The following ARHGAP23 variants were observed in gnomAD, a reference collection of about 807,000 sequenced individuals.
ARHGAP23 encodes the protein rho GTPase-activating protein 23.
Under a neutral mutation model 136.3 loss-of-function variants are expected in ARHGAP23, and 34 were observed. The observed-to-expected ratio is 0.25, with a 90% confidence interval of 0.19 to 0.33. The LOEUF is 0.33. ARHGAP23 is among the 10% of genes least tolerant of loss of function. ARHGAP23 has a pLI of 1.00. For synonymous variants in ARHGAP23, 832 were observed against 920.5 expected (o/e 0.90, Z 1.74); for missense variants, 1,808 against 2,139.0 (o/e 0.85, Z 3.05).
chr17:38,509,800 G>A, intron 23 of ARHGAP23, 144 bp from the exon 24 acceptor site: 1 of 590,988 alleles, frequency 1.7e-6, no homozygotes, highest in Non-Finnish European at 2.5e-6. Flanking sequence ...GAGGAGGAGC[G>A]TTTTATGATG....
chr17:38,501,286 GTTATTTT>G (rs375254871), intron 23 of ARHGAP23, among the ~76,000 whole-genome samples: 11,293 of 151,860 alleles, frequency 0.074, 449 homozygotes, highest in South Asian at 0.17. Flanking sequence ...AGACCCCTAA[GTTATTTT>G]TTATTTTTTA....
intron 6 of ARHGAP23, among the ~76,000 whole-genome samples, chr17:38,465,470 A>G (rs976668306): frequency 6.6e-6 from 1 of 152,192 alleles, no homozygotes; most frequent in Non-Finnish European, 1.5e-5. Flanking sequence ...GGCCCAGGCC[A>G]CAAGGCCGCT....
In ARHGAP23 at chr17:38,511,889, C is replaced by G. The variant is rs1439319082; in HGVS notation, c.*917C>G. The G allele has an allele frequency of 6.6e-6, 1 of 152,288 alleles. No homozygotes were observed. Among genetic ancestry groups the G allele is most frequent in the Non-Finnish European group, 1.5e-5 (1 of 68,146 alleles). The allele number at this position is 152,288 out of a possible 1,614,324, so 9.4% of individuals were successfully genotyped here. A position where few individuals can be genotyped will look rare whatever the true frequency, so the allele number is the denominator to read the frequency against. ...GAGGGATAGTCAACACCCCTGCTGT[C>G]TCTCTGTCACTCACACACTGATTTA... On this transcript the variant is annotated 3_prime_UTR_variant, in exon 24 of 24. Coordinates refer to ENST00000622683, the MANE Select transcript of ARHGAP23 (RefSeq NM_001199417.2).
At chr17:38,454,648 G>A (rs182024041) in intron 1 of ARHGAP23, among the ~76,000 whole-genome samples, 17 of 152,290 alleles carry the variant, frequency 1.1e-4, no homozygotes, top group African/African-American at 3.8e-4. Context: ...AGTGCTCTCA[G>A]GGCTGACAGG....
intron 6 of ARHGAP23, among the ~76,000 whole-genome samples, chr17:38,465,535 CCTT>C (rs1337838734): frequency 2.0e-5 from 3 of 152,252 alleles, no homozygotes; most frequent in Non-Finnish European, 4.4e-5. Flanking sequence ...CCCTGTCACT[CCTT>C]AGCAATGCAG....
intron 1 of ARHGAP23, among the ~76,000 whole-genome samples, chr17:38,437,855 T>C (rs533815401): frequency 4.3e-4 from 65 of 152,148 alleles, no homozygotes; most frequent in African/African-American, 1.6e-3. Flanking sequence ...TAAGTTCTGC[T>C]TCTCTGTGTC....
At position 38,478,030 on chromosome 17, in the gene ARHGAP23, A is replaced by T. The variant is rs2039939687; in HGVS notation, c.2436+134A>T. On this transcript the variant is annotated intron_variant, in intron 12 of 23. Coordinates refer to ENST00000622683, the MANE Select transcript of ARHGAP23 (RefSeq NM_001199417.2). Reference sequence around the variant, plus strand: ...GGGGCTGACAGGAGTGCACCTCGTGATTGTGTCCCCCAAGGTTTCGGGGTG... The same window carrying T: ...GGGGCTGACAGGAGTGCACCTCGTGTTTGTGTCCCCCAAGGTTTCGGGGTG... 4.1e-6 allele frequency: 4 copies of T among 975,686 alleles called. No individual in the cohort carries two copies. The East Asian group carries it at 1.1e-4, about 26-fold the overall frequency. 60.4% of individuals were successfully genotyped at this position (975,686 alleles called of 1,614,324 possible). A position where few individuals can be genotyped will look rare whatever the true frequency, so the allele number is the denominator to read the frequency against.
chr17:38,499,739 G>A (rs185506082), intron 22 of ARHGAP23, among the ~76,000 whole-genome samples: 12 of 152,270 alleles, frequency 7.9e-5, no homozygotes, highest in East Asian at 1.9e-4. Context: ...GGAGGGGTCC[G>A]GAGAGGGGGG....
intron 1 of ARHGAP23, among the ~76,000 whole-genome samples, chr17:38,441,526 G>A (rs533057174): frequency 6.6e-5 from 10 of 152,130 alleles, no homozygotes; most frequent in Non-Finnish European, 1.5e-4. Flanking sequence ...GCCCACATAA[G>A]GAAACTGAGG....
chr17:38,435,558 G>T (rs1183338357), intron 1 of ARHGAP23, among the ~76,000 whole-genome samples: 2 of 152,202 alleles, frequency 1.3e-5, no homozygotes, highest in African/African-American at 4.8e-5. Flanking sequence ...CCTGGAACCC[G>T]ATCTCTCCTT....
Position 38,511,163 on chromosome 17 carries a change from T to C in ARHGAP23, c.*191T>C. 3.3e-6 allele frequency: 2 copies of C among 612,078 alleles called. No individual in the cohort carries two copies. The highest frequency in any genetic ancestry group is 2.6e-6 in the Non-Finnish European group (1 of 392,096). The allele number at this position is 612,078 out of a possible 1,614,324, so 37.9% of individuals were successfully genotyped here. A position where few individuals can be genotyped will look rare whatever the true frequency, so the allele number is the denominator to read the frequency against. On this transcript the variant is annotated 3_prime_UTR_variant, in exon 24 of 24. Transcript: ENST00000622683. Reference sequence around the variant, plus strand: ...GAGGAGAAGGCTGGGGCCGGACTAATTGAATGGAAGGGGGTTCCAGAGGTG... The same window carrying C: ...GAGGAGAAGGCTGGGGCCGGACTAACTGAATGGAAGGGGGTTCCAGAGGTG...
chr17:38,422,414 C>T (rs781254968), intron 1 of ARHGAP23, among the ~76,000 whole-genome samples: 2 of 152,214 alleles, frequency 1.3e-5, no homozygotes, highest in African/African-American at 2.4e-5. Context: ...GCCTCGCGCA[C>T]ACTCACTCAT....
intron 14 of ARHGAP23, among the ~76,000 whole-genome samples, chr17:38,481,527 T>C (rs1190059057): frequency 6.6e-6 from 1 of 152,222 alleles, no homozygotes; most frequent in Non-Finnish European, 1.5e-5. Flanking sequence ...CCTGGCCTCA[T>C]GTGGTCCTGC....
At position 38,482,604 on chromosome 17, in the gene ARHGAP23, G is replaced by C; in HGVS notation, c.2833G>C (p.Gly945Arg). 6.5e-7 allele frequency: 1 copy of C among 1,550,080 alleles called. No homozygotes were observed. Among genetic ancestry groups the C allele is most frequent in the Non-Finnish European group, 8.7e-7 (1 of 1,146,740 alleles). ...GTCCACAGGCATTTACCGAGTGCCCGGCAACAATGCAGTGGTGTCCAGCCT... is the reference window on the plus strand; with the variant it reads ...GTCCACAGGCATTTACCGAGTGCCCCGCAACAATGCAGTGGTGTCCAGCCT... ...LESTGIYRVPGNNAVVSSLQE... is the reference protein window; with the variant it reads ...LESTGIYRVPRNNAVVSSLQE... The change falls in exon 16 of 24, where the codon GGC (glycine) becomes CGC (arginine). Residue 945 changes from glycine to arginine, a missense_variant. Coordinates refer to ENST00000622683, the MANE Select transcript of ARHGAP23 (RefSeq NM_001199417.2).
intron 23 of ARHGAP23, among the ~76,000 whole-genome samples, chr17:38,508,734 G>C (rs1303923987): frequency 6.6e-6 from 1 of 152,142 alleles, no homozygotes; most frequent in Non-Finnish European, 1.5e-5. Context: ...GGGTGGAGGA[G>C]AGAGGGAGGA....
intron 1 of ARHGAP23, among the ~76,000 whole-genome samples, chr17:38,423,183 A>T (rs1368697499): frequency 1.3e-5 from 2 of 151,376 alleles, no homozygotes; most frequent in Admixed American, 6.6e-5. Context: ...TGCATGTACT[A>T]GGTGCTCAAT....
At chr17:38,458,335 C>G in intron 2 of ARHGAP23, 72 bp downstream of exon 2, 1 of 1,440,352 alleles carries the variant, frequency 6.9e-7, no homozygotes, top group East Asian at 2.5e-5. Context: ...TGTGCCAGTC[C>G]CCTTCATGGT....
At chr17:38,433,754 G>A (rs2038733149) in intron 1 of ARHGAP23, among the ~76,000 whole-genome samples, 1 of 152,168 alleles carries the variant, frequency 6.6e-6, no homozygotes, top group Admixed American at 6.5e-5. Context: ...CCAGAGGATA[G>A]GTAGTCCTGA....
chr17:38,466,826 T>C lies in ARHGAP23; in HGVS notation c.1143T>C (p.Ala381=), dbSNP rs1030163297. Residue 381 remains alanine (A), a synonymous_variant, in exon 7 of 24, where the codon GCT becomes GCC. Transcript: ENST00000622683. Reference sequence around the variant, plus strand: ...CCCGCTTTGAGCGGTGTGGCTGGGCTTCCCAGCGTTCGTCTGCCCGCACCC... The same window carrying C: ...CCCGCTTTGAGCGGTGTGGCTGGGCCTCCCAGCGTTCGTCTGCCCGCACCC... ...VSPRFERCGW[A]SQRSSARTPA... 2.6e-6 allele frequency: 4 copies of C among 1,548,708 alleles called. No individual in the cohort carries two copies. Among genetic ancestry groups the C allele is most frequent in the Non-Finnish European group, 2.6e-6 (3 of 1,146,488 alleles).
Sources: allele counts gnomAD v4.1 joint callset (sites outside exome capture counted in the v4.1 genomes callset), GRCh38; gene constraint gnomAD v4.1.1; transcripts MANE v1.5; gene names NCBI Gene and HGNC (gene_info 2026-07-23, HGNC 2026-07-21).